RUSC1: variants seen among roughly 807,000 people sequenced by gnomAD.
The protein encoded by RUSC1 is AP-4 complex accessory subunit RUSC1.
RUSC1 carries 40 observed loss-of-function variants against 72.1 expected under a neutral mutation model. The observed-to-expected ratio is 0.55, with a 90% CI of 0.43 to 0.72. RUSC1 has a LOEUF of 0.72. RUSC1 is among the 30% of genes least tolerant of loss of function. The pLI, the probability that RUSC1 is intolerant of heterozygous loss-of-function variation, is 0.00. For missense variants in RUSC1, 1,092 were observed against 1,172.3 expected, an observed-to-expected ratio of 0.93 and a Z score of 1.00; for synonymous variants, 512 against 494.2, an observed-to-expected ratio of 1.04 and a Z score of -0.48.
rs1332503566 is a variant in RUSC1, at chr1:155,322,226, C to T, written c.453C>T (p.Gly151=). Residue 151 remains glycine, a synonymous_variant, in exon 2 of 10, where the codon GGC becomes GGT. Coordinates refer to ENST00000368352, the MANE Select transcript of RUSC1 (RefSeq NM_001105203.2). ...AGGGCTCCCCACTGGCTTCAGCAGG[C>T]CCTGGCACCTGCTCACCGGACAGCT... is the stretch of plus-strand genomic sequence containing the variant. ...LEQGSPLASA[G]PGTCSPDSFC... is the part of the protein sequence containing the mutation. 2 of 1,612,568 alleles carry T rather than the reference C, an allele frequency of 1.2e-6. No homozygotes were observed. Among genetic ancestry groups the T allele is most frequent in the African/African-American group, 1.3e-5 (1 of 74,920 alleles).
intron 2 of RUSC1, chr1:155,324,457 T>C (rs767117511): frequency 1.7e-5 from 28 of 1,612,312 alleles, no homozygotes; most frequent in Non-Finnish European, 2.2e-5. Flanking sequence ...CAGGCAGGAC[T>C]GGGCCCCGGG....
At chr1:155,329,102 T>G (rs1182249498) in intron 9 of RUSC1, among the ~76,000 whole-genome samples, 2 of 152,042 alleles carry the variant, frequency 1.3e-5, no homozygotes, top group East Asian at 3.9e-4. Flanking sequence ...CATAATTTTT[T>G]TTTTGAGACA....
rs2148256394 is a variant in RUSC1 at position 155,320,988 on chromosome 1, C to T, written c.-90C>T. ...AAGGCCGGAGCGGTTCCAGGAGGACCCTGGTGAGGAGGGCTCGGCCCATGG... is the reference window on the plus strand; with the variant it reads ...AAGGCCGGAGCGGTTCCAGGAGGACTCTGGTGAGGAGGGCTCGGCCCATGG... On this transcript the variant is annotated 5_prime_UTR_variant, in exon 1 of 10. Coordinates refer to ENST00000368352, the MANE Select transcript of RUSC1 (RefSeq NM_001105203.2). 6 of 1,526,158 alleles carry T rather than the reference C, an allele frequency of 3.9e-6. No individual in the cohort carries two copies. The highest frequency in any genetic ancestry group is 2.8e-5 in the African/African-American group (2 of 72,550). 94.5% of individuals were successfully genotyped at this position (1,526,158 alleles called of 1,614,324 possible).
intron 2 of RUSC1, chr1:155,324,151 A>C: frequency 9.9e-6 from 13 of 1,307,338 alleles, no homozygotes; most frequent in Admixed American, 3.7e-5. Flanking sequence ...CCTCTGTGGA[A>C]TTCCTTGGCC....
rs747317253 is a variant in RUSC1, at chr1:155,321,187, A to T, written c.-87+196A>T. 81 of 1,370,200 alleles carry T rather than the reference A, an allele frequency of 5.9e-5. No homozygotes were observed. In the South Asian group the frequency reaches 8.1e-4, roughly 14 times the overall value. The allele number at this position is 1,370,200 out of a possible 1,614,324, so 84.9% of individuals were successfully genotyped here. ...CTGGAGCCCGGCCGAGGCAGCCAGC[A>T]GATGCGGAGTTGACAAGCTGACGGC... On this transcript the variant is annotated intron_variant, in intron 1 of 9. Coordinates refer to ENST00000368352, the MANE Select transcript of RUSC1 (RefSeq NM_001105203.2).
At position 155,328,281 on chromosome 1, in the gene RUSC1, G is replaced by A. The variant is rs777344884; in HGVS notation, c.2540+6G>A. 4.4e-6 allele frequency: 7 copies of A among 1,604,378 alleles called. No individual in the cohort carries two copies. Among genetic ancestry groups the A allele is most frequent in the African/African-American group, 2.7e-5 (2 of 74,808 alleles). On this transcript the variant is annotated splice_donor_region_variant and intron_variant, in intron 9 of 9. Coordinates refer to ENST00000368352, the MANE Select transcript of RUSC1 (RefSeq NM_001105203.2). The stretch of plus-strand genomic sequence containing the variant: ...AGGATGGTGCAAACCCATAGGTAAG[G>A]AGGATTGGGGAGAATGCACTAGTGT...
At chr1:155,321,500 T>G (rs750959303) in intron 1 of RUSC1, 188 bp from the exon 2 acceptor site, 26 of 1,475,960 alleles carry the variant, frequency 1.8e-5, no homozygotes, top group Non-Finnish European at 2.3e-5. Context: ...CCCGGGGGGT[T>G]ACATTCGACT....
At chr1:155,324,553 G>T in intron 2 of RUSC1, 1 of 1,584,862 alleles carries the variant, frequency 6.3e-7, no homozygotes, top group South Asian at 1.1e-5. Flanking sequence ...AGGTGAGCGC[G>T]GCCATCCCGC....
intron 1 of RUSC1, 118 bp from the exon 2 acceptor site, chr1:155,321,570 G>T: frequency 7.7e-7 from 1 of 1,305,290 alleles, no homozygotes; most frequent in Non-Finnish European, 1.1e-6. Flanking sequence ...GCATCTCATT[G>T]AAATATCTTC....
At chr1:155,321,628 G>T (rs964962662) in intron 1 of RUSC1, 60 bp from the exon 2 acceptor site, 2 of 1,269,726 alleles carry the variant, frequency 1.6e-6, no homozygotes, top group African/African-American at 3.0e-5. Flanking sequence ...AAGTCACCTC[G>T]GTGTCCTTCC....
chr1:155,324,446 G>T, intron 2 of RUSC1: 1 of 1,612,726 alleles, frequency 6.2e-7, no homozygotes, highest in South Asian at 1.1e-5. Context: ...CCGGGGCTCC[G>T]CAGGCAGGAC....
Position 155,324,995 on chromosome 1 carries a change from C to T in RUSC1, c.1456+52C>T, listed in dbSNP as rs1475162425. The T allele has an allele frequency of 1.9e-6, 3 of 1,613,824 alleles. No homozygotes were observed. In the African/African-American group the frequency reaches 4.0e-5, roughly 22 times the overall value. ...CGCTTCCGAATAAACTGCCCTTCGCCCCCGGCCCTGCTCTCAGGCTGTCCG... is the reference window on the plus strand; with the variant it reads ...CGCTTCCGAATAAACTGCCCTTCGCTCCCGGCCCTGCTCTCAGGCTGTCCG... On this transcript the variant is annotated intron_variant, in intron 3 of 9. Transcript: ENST00000368352.
intron 2 of RUSC1, chr1:155,324,382 C>T: frequency 1.2e-6 from 2 of 1,612,382 alleles, no homozygotes; most frequent in Non-Finnish European, 1.7e-6. Flanking sequence ...CTCCCTCCGT[C>T]TCCTCCCTTT....
chr1:155,322,703 C>T lies in RUSC1; in HGVS notation c.930C>T (p.His310=). The T allele has an allele frequency of 6.2e-7, 1 of 1,614,250 alleles. No individual in the cohort carries two copies. The highest frequency in any genetic ancestry group is 8.5e-7 in the Non-Finnish European group (1 of 1,180,038). ...RSDVSEEPVP[H]RTITSFHELA... ...ACGTCAGCGAGGAGCCGGTGCCCCA[C>T]CGGACAATCACGTCCTTCCACGAGC... Residue 310 remains histidine (H), a synonymous_variant, in exon 2 of 10, where the codon CAC becomes CAT. Transcript: ENST00000368352.
At position 155,330,452 on chromosome 1, in the gene RUSC1, A is replaced by G; in HGVS notation, c.2590A>G (p.Ser864Gly). 6.2e-7 allele frequency: 1 copy of G among 1,613,516 alleles called. No individual in the cohort carries two copies. Among genetic ancestry groups the G allele is most frequent in the Non-Finnish European group, 8.5e-7 (1 of 1,180,014 alleles). The stretch of plus-strand genomic sequence containing the variant: ...CACTGCTGCAAGACCTGACCAGTTG[A>G]GCTTCCGGCGTGGGGAAGTGCTGCG... ...DHTAARPDQL[S>G]FRRGEVLRVI... Residue 864 changes from serine to glycine, a missense_variant, in exon 10 of 10, where the codon AGC (serine) becomes GGC (glycine). Physicochemically the swap from Ser to Gly is moderately conservative, Grantham distance 56. Transcript: ENST00000368352.
At position 155,325,761 on chromosome 1, in the gene RUSC1, C is replaced by G. The variant is rs530475893; in HGVS notation, c.1814+89C>G. The G allele has an allele frequency of 1.2e-4, 194 of 1,579,112 alleles. 1 individual carries two copies. In the Middle Eastern group the frequency reaches 3.1e-3, roughly 25 times the overall value. On this transcript the variant is annotated intron_variant, in intron 6 of 9. Transcript: ENST00000368352. This position sits in a 1 kb window ranked among gnomAD's most constrained non-coding sequence, Gnocchi z 6.5. ...ACACAGTAGTAGTGCCTCACATCCC[C>G]AGAGAAGGCCCCCCCTCTTCCAATC...
Position 155,322,832 on chromosome 1 carries a change from C to G in RUSC1, c.1059C>G (p.Pro353=), listed in dbSNP as rs757920388. The G allele has an allele frequency of 1.2e-6, 2 of 1,613,310 alleles. No homozygotes were observed. The highest frequency in any genetic ancestry group is 2.2e-5 in the South Asian group (2 of 91,076). Residue 353 remains proline, a synonymous_variant, in exon 2 of 10, where the codon CCC becomes CCG. Coordinates refer to ENST00000368352, the MANE Select transcript of RUSC1 (RefSeq NM_001105203.2). ...TCTTCTCGCCCGACACCGAGCTCCC[C>G]CCCTCGGGGTCGCCGGGCGGCTCCT... ...LIVFSPDTEL[P]PSGSPGGSSA...
chr1:155,327,955 ACTT>A (rs1400196506), intron 8 of RUSC1, among the ~76,000 whole-genome samples, 192 bp from the exon 9 acceptor site: 1 of 151,986 alleles, frequency 6.6e-6, no homozygotes, highest in Non-Finnish European at 1.5e-5. Flanking sequence ...GGTGTTGTGG[ACTT>A]TTGTTGTCAT....
intron 1 of RUSC1, chr1:155,321,192 C>A (rs373906880): frequency 1.5e-6 from 2 of 1,368,484 alleles, no homozygotes; most frequent in Non-Finnish European, 2.0e-6. Flanking sequence ...CCAGCAGATG[C>A]GGAGTTGACA....
Sources: gnomAD v4.1 joint callset for allele counts (sites outside exome capture counted in the v4.1 genomes callset) on GRCh38, gnomAD v4.1.1 for gene constraint, Gnocchi (gnomAD v3.1) non-coding constraint, MANE v1.5 for transcripts, NCBI Gene and HGNC (gene_info 2026-07-23, HGNC 2026-07-21) for gene names.